The following XKR9 variants were observed in gnomAD, a reference collection of about 807,000 sequenced individuals.
XKR9 encodes XK-related protein 9.
Under a neutral mutation model 32.0 loss-of-function variants are expected in XKR9, and 32 were observed. That is an observed-to-expected ratio of 1.00 (90% CI 0.76 to 1.34). The LOEUF (loss-of-function observed/expected upper bound fraction) is 1.34, where lower values mean the gene tolerates loss of function less well. Among genes scored for constraint, XKR9 ranks in the 40% most tolerant of loss-of-function variants. XKR9 has a pLI of 0.00. For missense variants in XKR9, 546 were observed against 429.7 expected (o/e 1.27, Z -2.39); for synonymous variants, 168 against 143.4 (o/e 1.17, Z -1.22).
chr8:70,845,536 A>G, the XKR9 span, among the ~76,000 whole-genome samples: 1 of 152,214 alleles, frequency 6.6e-6, no homozygotes, highest in Non-Finnish European at 1.5e-5. Flanking sequence ...CAATACAATG[A>G]AATCAGAAAA....
the XKR9 span, among the ~76,000 whole-genome samples, chr8:70,819,029 G>A: frequency 6.6e-6 from 1 of 152,158 alleles, no homozygotes; most frequent in Admixed American, 6.5e-5. Context: ...AGTCAAAGCT[G>A]GTTAAAATCA....
chr8:70,672,725 A>G (rs1818755785), intron 1 of XKR9, among the ~76,000 whole-genome samples: 1 of 152,168 alleles, frequency 6.6e-6, no homozygotes, highest in Non-Finnish European at 1.5e-5. Flanking sequence ...CCTCTGCAGC[A>G]TCTGTTATTG....
chr8:70,706,303 C>T (rs924611906), intron 3 of XKR9, among the ~76,000 whole-genome samples: 1 of 151,886 alleles, frequency 6.6e-6, no homozygotes. Flanking sequence ...AGAGTCTGAC[C>T]AGGGATATTT....
At chr8:70,861,524 C>T in the XKR9 span, among the ~76,000 whole-genome samples, 268 of 150,852 alleles carry the variant, frequency 1.8e-3, 1 homozygote, top group Non-Finnish European at 2.9e-3. Context: ...GTAGTGTGCA[C>T]CTGTAGTCCC....
intron 2 of XKR9, among the ~76,000 whole-genome samples, chr8:70,769,310 T>G (rs1256963900): frequency 6.6e-6 from 1 of 152,076 alleles, no homozygotes; most frequent in Non-Finnish European, 1.5e-5. Flanking sequence ...AAATCCGCTG[T>G]TAGTCTGATG....
chr8:71,001,231 T>G, the XKR9 span, among the ~76,000 whole-genome samples: 2 of 152,190 alleles, frequency 1.3e-5, no homozygotes, highest in African/African-American at 4.8e-5. Context: ...ATCGAAGGTC[T>G]AGCTCTGGTA....
intron 2 of XKR9, among the ~76,000 whole-genome samples, chr8:70,750,252 G>A (rs1432083947): frequency 6.6e-6 from 1 of 152,136 alleles, no homozygotes; most frequent in African/African-American, 2.4e-5. Flanking sequence ...ATGTTGCTCT[G>A]TGAACTCTGC....
chr8:70,672,301 A>G (rs1818740265), intron 1 of XKR9, among the ~76,000 whole-genome samples: 1 of 101,022 alleles, frequency 9.9e-6, no homozygotes, highest in Non-Finnish European at 2.5e-5. Context: ...GAGGCATCAC[A>G]CTACCTGACT....
chr8:70,837,957 A>G, the XKR9 span, among the ~76,000 whole-genome samples: 24 of 152,240 alleles, frequency 1.6e-4, no homozygotes, highest in African/African-American at 4.8e-4. Context: ...ATCATTTATT[A>G]TTACTGAAAA....
the XKR9 span, among the ~76,000 whole-genome samples, chr8:71,039,329 T>G: frequency 1.3e-5 from 2 of 152,206 alleles, no homozygotes; most frequent in Non-Finnish European, 2.9e-5. Context: ...CCAAACATCA[T>G]AGGTGTTAGC....
the XKR9 span, among the ~76,000 whole-genome samples, chr8:70,979,718 AC>A: frequency 7.5e-4 from 114 of 152,260 alleles, no homozygotes; most frequent in Middle Eastern, 3.4e-3. Context: ...GGGGTCAGGG[AC>A]CCACTTGAGG....
the XKR9 span, among the ~76,000 whole-genome samples, chr8:70,802,225 C>T: frequency 5.9e-5 from 9 of 152,272 alleles, no homozygotes; most frequent in African/African-American, 9.6e-5. Flanking sequence ...CGTGAGCCAC[C>T]GCGCCCGGCC....
chr8:70,782,421 A>T (rs991671810), intron 2 of XKR9, among the ~76,000 whole-genome samples: 44 of 152,188 alleles, frequency 2.9e-4, no homozygotes, highest in African/African-American at 9.2e-4. Context: ...AATATTTGAA[A>T]TGTACCCTTA....
intron 3 of XKR9, among the ~76,000 whole-genome samples, chr8:70,692,293 T>C (rs1332504515): frequency 6.6e-6 from 1 of 152,158 alleles, no homozygotes; most frequent in Non-Finnish European, 1.5e-5. Flanking sequence ...CTGAAGTTGT[T>C]TATCAGCTGA....
At chr8:70,752,939 A>G (rs1563468484) in intron 2 of XKR9, among the ~76,000 whole-genome samples, 3 of 152,366 alleles carry the variant, frequency 2.0e-5, no homozygotes, top group Non-Finnish European at 4.4e-5. Flanking sequence ...AAGGAAATAG[A>G]GACACAAAAA....
the XKR9 span, among the ~76,000 whole-genome samples, chr8:70,851,480 T>C: frequency 2.0e-5 from 3 of 152,048 alleles, no homozygotes; most frequent in Admixed American, 6.5e-5. Flanking sequence ...GCCAAGACAA[T>C]CCTAAACAAA....
the XKR9 span, among the ~76,000 whole-genome samples, chr8:70,844,083 C>A: frequency 0.014 from 2,077 of 152,294 alleles, 61 homozygotes; most frequent in African/African-American, 0.048. Context: ...GACGATGTCC[C>A]CAGGACAAAG....
At chr8:70,878,870 C>A in the XKR9 span, among the ~76,000 whole-genome samples, 1 of 152,100 alleles carries the variant, frequency 6.6e-6, no homozygotes, top group Non-Finnish European at 1.5e-5. Flanking sequence ...CAGCACTGCA[C>A]CTCAACTACT....
chr8:70,690,374 G>A (rs1462263797), intron 3 of XKR9, among the ~76,000 whole-genome samples: 1 of 151,992 alleles, frequency 6.6e-6, no homozygotes, highest in East Asian at 1.9e-4. Flanking sequence ...TCTGTTGCCA[G>A]GCTGGAGTGC....
Sources: gnomAD v4.1 joint callset for allele counts (sites outside exome capture counted in the v4.1 genomes callset) on GRCh38, gnomAD v4.1.1 for gene constraint, MANE v1.5 for transcripts, NCBI Gene and HGNC (gene_info 2026-07-23, HGNC 2026-07-21) for gene names.